Variants in SMC2 observed in about 807,000 individuals in gnomAD.
SMC2 encodes the protein structural maintenance of chromosomes 2, also known as structural maintenance of chromosomes protein 2.
A neutral mutation model predicts 142.6 loss-of-function variants in SMC2; 41 were observed. The ratio of observed to expected loss-of-function variants is 0.29; its 90% CI spans 0.22 to 0.37. The LOEUF is 0.37. Among genes scored for constraint, SMC2 ranks in the 10% least tolerant of loss-of-function variants. The pLI, the probability that SMC2 is intolerant of heterozygous loss-of-function variation, is 1.00. For missense variants in SMC2, 1,265 were observed against 1,373.7 expected, an observed-to-expected ratio of 0.92 and a Z score of 1.25; for synonymous variants, 463 against 457.5, an observed-to-expected ratio of 1.01 and a Z score of -0.15.
Position 104,114,854 on chromosome 9 carries a change from A to T in SMC2, c.1671+25A>T, listed in dbSNP as rs187720087. The stretch of plus-strand genomic sequence containing the variant: ...AGTAAGTTGATTTTAATTTTAAAAA[A>T]TTTAAAATTTGGTTAGCTTGAAAAG... On this transcript the variant is annotated intron_variant, in intron 13 of 24. Coordinates refer to ENST00000374793, the MANE Select transcript of SMC2 (RefSeq NM_006444.3). 7.0e-3 allele frequency: 11,094 copies of T among 1,576,344 alleles called. 198 individuals carry two copies. The highest frequency in any genetic ancestry group is 0.061 in the African/African-American group (4,431 of 72,694).
At chr9:104,108,932 G>A (rs916395714) in intron 9 of SMC2, among the ~76,000 whole-genome samples, 1 of 152,156 alleles carries the variant, frequency 6.6e-6, no homozygotes, top group African/African-American at 2.4e-5. Context: ...GTTTACGTGA[G>A]TTGCTGAGCT....
chr9:104,116,853 A>ATAGAT (rs1401245736), intron 14 of SMC2, among the ~76,000 whole-genome samples: 4 of 152,214 alleles, frequency 2.6e-5, no homozygotes, highest in African/African-American at 7.2e-5. Flanking sequence ...TAGTAAGAAA[A>ATAGAT]TAGATTAGTA....
chr9:104,097,969 G>GA (rs1830644347), intron 3 of SMC2, among the ~76,000 whole-genome samples: 1 of 152,146 alleles, frequency 6.6e-6, no homozygotes, highest in Admixed American at 6.5e-5. Context: ...AAACCATACT[G>GA]AAGCTCCATG....
chr9:104,093,745 C>G (rs4743686), upstream of SMC2, among the ~76,000 whole-genome samples: 49,309 of 152,028 alleles, frequency 0.32, 8,809 homozygotes, highest in East Asian at 0.76. Flanking sequence ...AAAACGCTCC[C>G]CGAGGTCCGA....
intron 16 of SMC2, among the ~76,000 whole-genome samples, chr9:104,122,422 A>G (rs1452842965): frequency 6.6e-6 from 1 of 151,932 alleles, no homozygotes; most frequent in Non-Finnish European, 1.5e-5. Context: ...TGTCAAGTAT[A>G]TCTTCAGGCA....
chr9:104,130,824 G>T (rs533721533), intron 21 of SMC2, among the ~76,000 whole-genome samples: 1 of 152,154 alleles, frequency 6.6e-6, no homozygotes, highest in Non-Finnish European at 1.5e-5. Flanking sequence ...TATTAGATGA[G>T]ACCTGAGTCT....
intron 20 of SMC2, among the ~76,000 whole-genome samples, chr9:104,127,990 G>A (rs887025452): frequency 6.6e-6 from 1 of 152,158 alleles, no homozygotes. Context: ...GGTTATCCCA[G>A]TTTCTTTCTT....
intron 9 of SMC2, among the ~76,000 whole-genome samples, chr9:104,110,473 T>C (rs918782591): frequency 1.5e-4 from 21 of 136,330 alleles, no homozygotes; most frequent in Non-Finnish European, 2.5e-4. Context: ...AATTGTGTTA[T>C]GTTATTGGTA....
intron 18 of SMC2, among the ~76,000 whole-genome samples, 193 bp from the exon 19 acceptor site, chr9:104,126,448 T>C (rs1247057981): frequency 7.5e-6 from 1 of 133,204 alleles, no homozygotes; most frequent in Non-Finnish European, 1.5e-5. Flanking sequence ...TTACACATAC[T>C]TTTTTTTTTG....
chr9:104,120,906 G>T (rs1477001503), intron 16 of SMC2, among the ~76,000 whole-genome samples: 1 of 152,088 alleles, frequency 6.6e-6, no homozygotes, highest in African/African-American at 2.4e-5. Flanking sequence ...GTTTTTTCTT[G>T]TTGGAGAAGC....
chr9:104,126,653 A>G lies in SMC2; in HGVS notation c.2464A>G (p.Ile822Val). ...GTATTTTTTATAGGAAGTTGAAGCT[A>G]TCACTCTGGAACTGGAAGAGCTCAA... Reference protein sequence around the residue: ...MKEKQQEVEAITLELEELKRE... With the variant: ...MKEKQQEVEAVTLELEELKRE... The change falls in exon 19 of 25, where the codon ATC (isoleucine) becomes GTC (valine). Residue 822 changes from isoleucine to valine, a missense_variant. By Grantham distance (29) the Ile-to-Val change is conservative. Coordinates refer to ENST00000374793, the MANE Select transcript of SMC2 (RefSeq NM_006444.3). 2.5e-6 allele frequency: 4 copies of G among 1,606,746 alleles called. No individual in the cohort carries two copies. The highest frequency in any genetic ancestry group is 3.4e-6 in the Non-Finnish European group (4 of 1,178,350).
intron 3 of SMC2, among the ~76,000 whole-genome samples, chr9:104,097,721 A>C (rs1195285625): frequency 2.0e-5 from 3 of 152,186 alleles, no homozygotes; most frequent in Admixed American, 6.5e-5. Context: ...AAATACATTA[A>C]TATATGAACT....
chr9:104,101,853 A>G, intron 7 of SMC2, 107 bp from the exon 8 acceptor site: 2 of 671,262 alleles, frequency 3.0e-6, no homozygotes, highest in Non-Finnish European at 5.1e-6. Context: ...ATTGTTTAAT[A>G]CAGGACAAAA....
At chr9:104,126,510 C>T (rs757514448) in intron 18 of SMC2, 131 bp from the exon 19 acceptor site, 42 of 578,574 alleles carry the variant, frequency 7.3e-5, no homozygotes, top group African/African-American at 2.2e-4. Context: ...CCTGTACTTT[C>T]GGTAGCTGAG....
At position 104,129,753 on chromosome 9, in the gene SMC2, C is replaced by A; in HGVS notation, c.2899C>A (p.Gln967Lys). 6.2e-7 allele frequency: 1 copy of A among 1,613,874 alleles called. No individual in the cohort carries two copies. Among genetic ancestry groups the A allele is most frequent in the South Asian group, 1.1e-5 (1 of 91,052 alleles). Residue 967 changes from glutamine (Q) to lysine (K), a missense_variant, in exon 21 of 25, where the codon CAG becomes AAG. Gln to Lys is a moderately conservative substitution (Grantham distance 53, BLOSUM62 1). This residue lies in a region of SMC2 where 898 missense variants were observed against 904.2 expected (regional missense o/e 0.99). Coordinates refer to ENST00000374793, the MANE Select transcript of SMC2 (RefSeq NM_006444.3). ...AACTAACAACCCTAAAGAAGCTGGT[C>A]AGAGACTTCAGAAGTTGCAAGAAAT... is the stretch of plus-strand genomic sequence containing the variant. ...FKTNNPKEAG[Q>K]RLQKLQEMKE...
intron 6 of SMC2, 51 bp from the exon 7 acceptor site, chr9:104,100,338 A>C (rs1294585788): frequency 1.3e-6 from 2 of 1,483,094 alleles, no homozygotes; most frequent in Non-Finnish European, 1.9e-6. Context: ...TTTCAAATAA[A>C]TTTTAATGAT....
chr9:104,099,566 T>A, intron 4 of SMC2, 78 bp from the exon 5 acceptor site: 1 of 886,922 alleles, frequency 1.1e-6, no homozygotes, highest in Non-Finnish European at 1.9e-6. Context: ...AGCTTCAGTC[T>A]AGATAAACAT....
chr9:104,130,040 A>G (rs193216749), intron 21 of SMC2, among the ~76,000 whole-genome samples, 195 bp downstream of exon 21: 29 of 152,070 alleles, frequency 1.9e-4, no homozygotes, highest in Admixed American at 3.9e-4. Context: ...TTTACATTCT[A>G]TTACACCTGG....
At position 104,116,300 on chromosome 9, in the gene SMC2, T is replaced by G. The variant is rs780327985; in HGVS notation, c.1772T>G (p.Leu591Arg). Residue 591 changes from leucine to arginine, a missense_variant, in exon 14 of 25, where the codon CTG becomes CGG. Transcript: ENST00000374793. ...ISARCIAPET[L>R]RVAQNLVGPD... ...GCCAGATGTATTGCACCAGAAACTC[T>G]GAGAGTTGCTCAGAATCTTGTAAGT... 3.1e-6 allele frequency: 5 copies of G among 1,607,022 alleles called. No homozygotes were observed. Among genetic ancestry groups the G allele is most frequent in the Non-Finnish European group, 4.2e-6 (5 of 1,177,714 alleles).
Sources: allele counts gnomAD v4.1 joint callset (sites outside exome capture counted in the v4.1 genomes callset), GRCh38; gene constraint gnomAD v4.1.1; regional missense constraint gnomAD v4.1.1; transcripts MANE v1.5; gene names NCBI Gene and HGNC (gene_info 2026-07-23, HGNC 2026-07-21).